Variants in CLTCL1 observed in about 807,000 individuals in gnomAD.
CLTCL1 encodes the protein clathrin heavy chain 2.
Under a neutral mutation model 190.0 loss-of-function variants are expected in CLTCL1, and 159 were observed. The observed-to-expected ratio is 0.84, with a 90% CI of 0.74 to 0.95. CLTCL1 has a LOEUF of 0.95. Among genes scored for constraint, CLTCL1 ranks in the 40% least tolerant of loss-of-function variants. The pLI is 0.00. For synonymous variants in CLTCL1, 752 were observed against 769.6 expected (o/e 0.98, Z 0.38); for missense variants, 1,878 against 2,033.4 (o/e 0.92, Z 1.47).
chr22:19,180,153 C>G, intron 32 of CLTCL1, 46 bp downstream of exon 32: 7 of 1,555,492 alleles, frequency 4.5e-6, no homozygotes, highest in Non-Finnish European at 6.2e-6. Flanking sequence ...AGCCAGAGAA[C>G]CTGGCCTGGC....
intron 1 of CLTCL1, among the ~76,000 whole-genome samples, chr22:19,284,996 C>G (rs2087852868): frequency 6.6e-6 from 1 of 151,656 alleles, no homozygotes; most frequent in African/African-American, 2.4e-5. Context: ...TTGAAACACG[C>G]TGGGCGCGGT....
intron 1 of CLTCL1, among the ~76,000 whole-genome samples, chr22:19,276,498 C>T (rs569545459): frequency 7.5e-4 from 114 of 152,208 alleles, no homozygotes; most frequent in Non-Finnish European, 1.1e-3. Context: ...CCATCTTATA[C>T]GCAGTGCCTG....
intron 15 of CLTCL1, 36 bp downstream of exon 15, chr22:19,222,648 A>G: frequency 6.3e-7 from 1 of 1,575,328 alleles, no homozygotes; most frequent in Non-Finnish European, 8.6e-7. Context: ...TGGGGCCCAG[A>G]GGCAGCCGGG....
intron 30 of CLTCL1, chr22:19,182,510 G>T (rs2084173855): frequency 1.3e-5 from 2 of 152,254 alleles, no homozygotes; most frequent in Admixed American, 1.3e-4. Context: ...TGGACTCTGG[G>T]ATGGCCTTTA....
rs5746689 is a variant in CLTCL1 at position 19,215,312 on chromosome 22, T to G, written c.3065+799A>C. On this transcript the variant is annotated intron_variant, in intron 19 of 32. Coordinates refer to ENST00000427926, the MANE Select transcript of CLTCL1 (RefSeq NM_007098.4). Reference sequence around the variant, plus strand: ...CTCTCTATAATACTACAGCCCTTGATAGCCTTTCTGGCCTACAAAATAAAT... The same window carrying G: ...CTCTCTATAATACTACAGCCCTTGAGAGCCTTTCTGGCCTACAAAATAAAT... 9.4e-3 allele frequency among the ~76,000 whole-genome samples: 1,428 copies of G among 152,368 alleles called. 34 individuals carry two copies. The highest frequency in any genetic ancestry group is 0.068 in the East Asian group (353 of 5,188).
chr22:19,216,417 T>G (rs549972499), intron 18 of CLTCL1, among the ~76,000 whole-genome samples, 161 bp from the exon 19 acceptor site: 2 of 152,366 alleles, frequency 1.3e-5, no homozygotes, highest in South Asian at 4.1e-4. Context: ...TCAAAGTTAA[T>G]TTCAGGAAAT....
At chr22:19,191,666 A>C (rs988976936) in intron 26 of CLTCL1, among the ~76,000 whole-genome samples, 1 of 152,246 alleles carries the variant, frequency 6.6e-6, no homozygotes, top group Non-Finnish European at 1.5e-5. Context: ...TTCCTGCCTC[A>C]ACCCAGCACC....
chr22:19,199,850 C>A lies in CLTCL1; in HGVS notation c.3766-9G>T. ...ATGCAGGCAAAGCACACCTAGGGGA[C>A]GGAGGGCAAGCGTGAGGGTCCCCAA... On this transcript the variant is annotated splice_polypyrimidine_tract_variant and intron_variant, in intron 23 of 32. Transcript: ENST00000427926. 6.3e-7 allele frequency: 1 copy of A among 1,578,652 alleles called. No homozygotes were observed. Among genetic ancestry groups the A allele is most frequent in the Non-Finnish European group, 8.6e-7 (1 of 1,161,774 alleles).
chr22:19,185,357 C>T (rs533815072), intron 29 of CLTCL1, among the ~76,000 whole-genome samples: 106 of 148,828 alleles, frequency 7.1e-4, no homozygotes, highest in African/African-American at 2.5e-3. Flanking sequence ...GACGGAGTCT[C>T]GCTCTGTCAC....
In CLTCL1 at chr22:19,232,545, A is replaced by G. The variant is rs782295791; in HGVS notation, c.1575T>C (p.Ser525=). The change falls in exon 10 of 33, where the codon AGT becomes AGC. Residue 525 remains serine (S), a synonymous_variant. Coordinates refer to ENST00000427926, the MANE Select transcript of CLTCL1 (RefSeq NM_007098.4). Reference sequence around the variant, plus strand: ...GAGAAAACTGCAGGCCCTGTTCCGGACTGATCTTCATTACACCCCTCAGCA... The same window carrying G: ...GAGAAAACTGCAGGCCCTGTTCCGGGCTGATCTTCATTACACCCCTCAGCA... The part of the protein sequence containing the change: ...IFLLRGVMKI[S]PEQGLQFSRM... 8.5e-5 allele frequency: 137 copies of G among 1,613,934 alleles called. No homozygotes were observed. In the Admixed American group the frequency reaches 2.1e-3, roughly 25 times the overall value.
chr22:19,201,264 CGCAAAGGACACGGAGAGCGT>C (rs1569162113), intron 23 of CLTCL1, 45 bp downstream of exon 23: 10 of 1,518,506 alleles, frequency 6.6e-6, no homozygotes, highest in African/African-American at 1.4e-5. Flanking sequence ...CCGAGCAGAA[CGCAAAGGACACGGAGAGCGT>C]GCCTGTCCAG....
chr22:19,255,558 G>C (rs1362590673), intron 2 of CLTCL1, among the ~76,000 whole-genome samples: 10 of 151,016 alleles, frequency 6.6e-5, no homozygotes, highest in African/African-American at 2.2e-4. Context: ...GTGAAAACAG[G>C]TCTCAAAAAA....
At chr22:19,197,023 A>C (rs1159362169) in intron 24 of CLTCL1, among the ~76,000 whole-genome samples, 1 of 152,188 alleles carries the variant, frequency 6.6e-6, no homozygotes, top group Non-Finnish European at 1.5e-5. Flanking sequence ...TGGCTCCAAC[A>C]AACCTTCAAC....
In CLTCL1 at chr22:19,286,618, C is replaced by T. The variant is rs376815993; in HGVS notation, c.42+4982G>A. Among the ~76,000 whole-genome samples the T allele has an allele frequency of 3.9e-5, 6 of 152,146 alleles. No homozygotes were observed. In the East Asian group the frequency reaches 7.7e-4, roughly 20 times the overall value. On this transcript the variant is annotated intron_variant, in intron 1 of 32. Coordinates refer to ENST00000427926, the MANE Select transcript of CLTCL1 (RefSeq NM_007098.4). The stretch of plus-strand genomic sequence containing the variant: ...CCCCAGAAGCCTCTCCAGACACACA[C>T]GGGTGTGTGTGGATGGGAACTGTTT...
At chr22:19,220,079 A>G in intron 17 of CLTCL1, 72 bp from the exon 18 acceptor site, 3 of 1,594,876 alleles carry the variant, frequency 1.9e-6, no homozygotes, top group Non-Finnish European at 1.7e-6. Flanking sequence ...ACACACCCCA[A>G]TTCGTTCCCT....
At chr22:19,262,448 T>C (rs1339083574) in intron 2 of CLTCL1, among the ~76,000 whole-genome samples, 6 of 148,612 alleles carry the variant, frequency 4.0e-5, no homozygotes, top group Non-Finnish European at 9.0e-5. Context: ...CTGGCTAATG[T>C]GGTGAAACCC....
intron 4 of CLTCL1, among the ~76,000 whole-genome samples, chr22:19,240,354 G>A (rs1386203885): frequency 6.6e-6 from 1 of 152,122 alleles, no homozygotes; most frequent in African/African-American, 2.4e-5. Context: ...AAACAAGGGC[G>A]GGAGGCTGGG....
chr22:19,271,070 G>A (rs1307916455), intron 2 of CLTCL1, among the ~76,000 whole-genome samples: 5 of 151,886 alleles, frequency 3.3e-5, no homozygotes, highest in Non-Finnish European at 7.4e-5. Flanking sequence ...GCCTCCAGGG[G>A]GTGCCATTCC....
rs1555966061 is a variant in CLTCL1, at chr22:19,242,785, G to A, written c.671C>T (p.Thr224Ile). 2 of 1,613,918 alleles carry A rather than the reference G, an allele frequency of 1.2e-6. No individual in the cohort carries two copies. Among genetic ancestry groups the A allele is most frequent in the African/African-American group, 1.3e-5 (1 of 75,012 alleles). The change falls in exon 4 of 33, where the codon ACA (threonine) becomes ATA (isoleucine). Residue 224 changes from threonine (T) to isoleucine (I), a missense_variant. Physicochemically the swap from Thr to Ile is moderately conservative, Grantham distance 89. Transcript: ENST00000427926. ...TLFCFAVRNP[T>I]GGKLHIIEVG... is the part of the protein sequence containing the mutation. ...TAGAGTGGATCTTACCTTGCCTCCTGTGGGATTACGTACAGCAAAGCAGAA... is the reference window on the plus strand; with the variant it reads ...TAGAGTGGATCTTACCTTGCCTCCTATGGGATTACGTACAGCAAAGCAGAA...
Sources: gnomAD v4.1 joint callset for allele counts (sites outside exome capture counted in the v4.1 genomes callset) on GRCh38, gnomAD v4.1.1 for gene constraint, MANE v1.5 for transcripts, NCBI Gene and HGNC (gene_info 2026-07-23, HGNC 2026-07-21) for gene names.